Variants in RANBP17 observed in about 807,000 individuals in gnomAD.
RANBP17 encodes the protein RAN binding protein 17, also known as ran-binding protein 17.
RANBP17 carries 158 observed loss-of-function variants against 141.2 expected under a neutral mutation model. That is an observed-to-expected ratio of 1.12 (90% CI 0.98 to 1.28). RANBP17 has a LOEUF of 1.28. Ranked by LOEUF, RANBP17 falls within the 50% of genes most tolerant of loss-of-function variation. The probability of loss-of-function intolerance (pLI) is 0.00; values close to 1 mark genes in which losing one functional copy is unlikely to be tolerated. For missense variants in RANBP17, 1,438 were observed against 1,290.7 expected, an observed-to-expected ratio of 1.11 and a Z score of -1.75; for synonymous variants, 430 against 450.0, an observed-to-expected ratio of 0.96 and a Z score of 0.56.
chr5:171,037,360 G>T (rs1781949367), intron 14 of RANBP17, among the ~76,000 whole-genome samples: 1 of 151,932 alleles, frequency 6.6e-6, no homozygotes, highest in African/African-American at 2.4e-5. Flanking sequence ...TCTGTTGTAT[G>T]TATAGGTTTT....
intron 14 of RANBP17, among the ~76,000 whole-genome samples, chr5:171,068,283 T>A (rs1006248185): frequency 6.6e-6 from 1 of 152,234 alleles, no homozygotes; most frequent in South Asian, 2.1e-4. Context: ...TTTGTTAATA[T>A]TACCTACTTG....
At chr5:171,274,939 T>C (rs1767395647) in intron 25 of RANBP17, among the ~76,000 whole-genome samples, 1 of 152,196 alleles carries the variant, frequency 6.6e-6, no homozygotes, top group Admixed American at 6.5e-5. Flanking sequence ...ACTTCAAATA[T>C]TGTTCCAAAT....
rs1231363530 is a variant in RANBP17, at chr5:171,084,548, C to A, written c.1711-85582C>A. Among the ~76,000 whole-genome samples the A allele has an allele frequency of 3.5e-5, 2 of 56,840 alleles. 1 individual carries two copies. Among genetic ancestry groups the A allele is most frequent in the African/African-American group, 1.1e-4 (2 of 18,422 alleles). The allele number at this position is 56,840 out of a possible 152,430, so 37.3% of individuals were successfully genotyped here. ...TGAGGAATCGCCACACTGACTTGCA[C>A]AATGGTTGAACTAGTTCACAGTCCC... is the stretch of plus-strand genomic sequence containing the variant. On this transcript the variant is annotated intron_variant, in intron 14 of 27. Transcript: ENST00000523189.
intron 14 of RANBP17, among the ~76,000 whole-genome samples, chr5:171,079,227 G>A (rs1266480357): frequency 1.3e-5 from 2 of 152,168 alleles, no homozygotes; most frequent in Non-Finnish European, 2.9e-5. Flanking sequence ...TAGAAGTGGA[G>A]CCTGAAGATG....
chr5:170,983,091 CA>C lies in RANBP17; in HGVS notation c.1710+14716del. ...AAGTTGCTGGAGACTGTATACTACT[CA>C]ATTAAAAAAGTAAACCAAGAAAAGA... On this transcript the variant is annotated intron_variant, in intron 14 of 27. Transcript: ENST00000523189. 1.4e-5 allele frequency: 7 copies of C among 513,844 alleles called. 1 individual carries two copies. The highest frequency in any genetic ancestry group is 2.3e-5 in the Non-Finnish European group (6 of 264,116). The allele number at this position is 513,844 out of a possible 1,614,324, so 31.8% of individuals were successfully genotyped here.
chr5:171,098,752 A>C (rs763329527), intron 14 of RANBP17, among the ~76,000 whole-genome samples: 16 of 152,164 alleles, frequency 1.1e-4, no homozygotes, highest in Non-Finnish European at 1.9e-4. Context: ...GTTTTCTTCT[A>C]GGGTTTTTAT....
Position 170,881,829 on chromosome 5 carries a change from A to G in RANBP17, c.189A>G (p.Ala63=). The G allele has an allele frequency of 6.2e-7, 1 of 1,608,872 alleles. No individual in the cohort carries two copies. The highest frequency in any genetic ancestry group is 1.7e-5 in the Admixed American group (1 of 59,616). The change falls in exon 3 of 28, where the codon GCA becomes GCG. Residue 63 remains alanine (A), a synonymous_variant. Coordinates refer to ENST00000523189, the MANE Select transcript of RANBP17 (RefSeq NM_022897.5). The part of the protein sequence containing the change: ...QGTTSYAQLL[A]ATCLSKLVSR... ...AGACATCCTATGCTCAGCTCCTTGC[A>G]GCAACATGTCTTTCAAAACTTGTCA...
chr5:170,955,102 G>A (rs554714035), intron 13 of RANBP17, among the ~76,000 whole-genome samples: 1 of 152,152 alleles, frequency 6.6e-6, no homozygotes, highest in Non-Finnish European at 1.5e-5. Context: ...TTCATCCTGA[G>A]ACCGTCACCC....
chr5:171,033,334 A>G (rs2127620982), intron 14 of RANBP17, among the ~76,000 whole-genome samples: 1 of 152,334 alleles, frequency 6.6e-6, no homozygotes, highest in African/African-American at 2.4e-5. Flanking sequence ...ATACAGATTT[A>G]AAATATGGAA....
At chr5:170,950,399 T>A (rs953404142) in intron 12 of RANBP17, among the ~76,000 whole-genome samples, 3 of 149,668 alleles carry the variant, frequency 2.0e-5, no homozygotes, top group African/African-American at 4.9e-5. Context: ...AAAAAAAAAA[T>A]AACTCAAATA....
At chr5:170,906,311 A>T (rs968107094) in intron 5 of RANBP17, among the ~76,000 whole-genome samples, 1 of 151,960 alleles carries the variant, frequency 6.6e-6, no homozygotes, top group African/African-American at 2.4e-5. Context: ...TTTCACTTTC[A>T]TGGCCTTGAC....
At chr5:171,237,636 T>C (rs1764622399) in intron 22 of RANBP17, among the ~76,000 whole-genome samples, 2 of 152,218 alleles carry the variant, frequency 1.3e-5, no homozygotes, top group Admixed American at 1.3e-4. Context: ...TGAAAGTCTG[T>C]TTTATTTCAG....
intron 14 of RANBP17, among the ~76,000 whole-genome samples, chr5:171,117,107 T>C (rs1015541055): frequency 7.2e-5 from 11 of 152,202 alleles, no homozygotes; most frequent in African/African-American, 2.4e-4. Flanking sequence ...CTATTATGAA[T>C]AGTGCTGCAA....
chr5:170,981,916 G>A (rs532271735), intron 14 of RANBP17, among the ~76,000 whole-genome samples: 8 of 152,230 alleles, frequency 5.3e-5, no homozygotes, highest in East Asian at 1.9e-4. Flanking sequence ...GCTGCAGTTC[G>A]GGGTGTGGCT....
intron 5 of RANBP17, among the ~76,000 whole-genome samples, chr5:170,902,481 C>G (rs971154562): frequency 3.3e-5 from 5 of 152,142 alleles, no homozygotes; most frequent in Non-Finnish European, 7.3e-5. Context: ...TCCTTTAGCT[C>G]AGAGGAGTTT....
Position 171,295,949 on chromosome 5 carries a change from T to C in RANBP17, c.3105T>C (p.Leu1035=). The C allele has an allele frequency of 6.2e-7, 1 of 1,613,934 alleles. No individual in the cohort carries two copies. The highest frequency in any genetic ancestry group is 1.1e-5 in the South Asian group (1 of 91,066). The change falls in exon 27 of 28, where the codon CTT becomes CTC. Residue 1035 remains leucine (L), a synonymous_variant. Transcript: ENST00000523189. ...AGCCCCTCCCCAAGCAGGAGGTCCTTGCCCAGTGCTTCAGAAACCTAATGG... is the reference window on the plus strand; with the variant it reads ...AGCCCCTCCCCAAGCAGGAGGTCCTCGCCCAGTGCTTCAGAAACCTAATGG... ...NSQPLPKQEV[L]AQCFRNLMEG...
chr5:171,072,477 A>T (rs1157998615), intron 14 of RANBP17, among the ~76,000 whole-genome samples: 1 of 152,138 alleles, frequency 6.6e-6, no homozygotes, highest in African/African-American at 2.4e-5. Context: ...AAAAGATCTG[A>T]ATAGGTACTT....
chr5:171,151,616 A>G (rs1349344588), intron 14 of RANBP17, among the ~76,000 whole-genome samples: 1 of 152,214 alleles, frequency 6.6e-6, no homozygotes, highest in Non-Finnish European at 1.5e-5. Flanking sequence ...CTGTGAGGTT[A>G]ATGGTCATTG....
intron 14 of RANBP17, among the ~76,000 whole-genome samples, chr5:171,016,458 TTATC>T (rs1164464511): frequency 3.3e-5 from 5 of 152,120 alleles, no homozygotes; most frequent in Non-Finnish European, 5.9e-5. Flanking sequence ...TTTAATATGA[TTATC>T]AATATGGCTA....
Sources: gnomAD v4.1 joint callset for allele counts (sites outside exome capture counted in the v4.1 genomes callset) on GRCh38, gnomAD v4.1.1 for gene constraint, MANE v1.5 for transcripts, NCBI Gene and HGNC (gene_info 2026-07-23, HGNC 2026-07-21) for gene names.